HYDIN: variants seen among roughly 807,000 people sequenced by gnomAD.
HYDIN encodes axonemal central pair apparatus protein HYDIN.
Under a neutral mutation model 403.9 loss-of-function variants are expected in HYDIN, and 132 were observed. That is an observed-to-expected ratio of 0.33 (90% CI 0.28 to 0.38). The LOEUF is 0.38. Ranked by LOEUF, HYDIN falls within the 10% of genes least tolerant of loss-of-function variation. The pLI, the probability that HYDIN is intolerant of heterozygous loss-of-function variation, is 1.00. For synonymous variants in HYDIN, 1,202 were observed against 1,891.7 expected, an observed-to-expected ratio of 0.64 and a Z score of 9.46; for missense variants, 2,827 against 5,009.5, an observed-to-expected ratio of 0.56 and a Z score of 13.15.
rs137953974 is a variant in HYDIN, at chr16:71,171,934, C to T, written c.516+3673G>A. Among the ~76,000 whole-genome samples, 5 of 152,240 alleles carry T rather than the reference C, an allele frequency of 3.3e-5. No homozygotes were observed. The South Asian group carries it at 8.3e-4, about 25-fold the overall frequency. The stretch of plus-strand genomic sequence containing the variant: ...TCAGGCCCTGTGCCAGGTACTGGGG[C>T]TACAGGGGTGATCCAGATAGAACTG... On this transcript the variant is annotated intron_variant, in intron 5 of 85. Transcript: ENST00000393567.
intron 18 of HYDIN, among the ~76,000 whole-genome samples, chr16:71,032,307 G>GC (rs370950793): frequency 7.9e-6 from 1 of 126,436 alleles, no homozygotes; most frequent in Non-Finnish European, 1.7e-5. Context: ...TTTCCTTTTT[G>GC]TTTTTTTTTT....
chr16:71,053,063 C>T (rs1412897447), intron 18 of HYDIN, among the ~76,000 whole-genome samples: 1 of 151,988 alleles, frequency 6.6e-6, no homozygotes, highest in Non-Finnish European at 1.5e-5. Flanking sequence ...AGATAATTGA[C>T]AGAAGAGGAC....
At chr16:70,997,097 C>T (rs1268138042) in intron 23 of HYDIN, among the ~76,000 whole-genome samples, 1 of 151,416 alleles carries the variant, frequency 6.6e-6, no homozygotes, top group Non-Finnish European at 1.5e-5. Context: ...ACCAGGATCC[C>T]TTACATGTGC....
At chr16:71,127,991 T>C (rs1160522054) in intron 9 of HYDIN, among the ~76,000 whole-genome samples, 1 of 150,810 alleles carries the variant, frequency 6.6e-6, no homozygotes, top group Non-Finnish European at 1.5e-5. Context: ...TCCAACCTTC[T>C]TTCCCTACAT....
intron 5 of HYDIN, among the ~76,000 whole-genome samples, chr16:71,169,232 C>A (rs2086364960): frequency 6.6e-6 from 1 of 152,022 alleles, no homozygotes; most frequent in African/African-American, 2.4e-5. Flanking sequence ...TCGAGACCAG[C>A]CTGGACAACG....
intron 83 of HYDIN, among the ~76,000 whole-genome samples, chr16:70,824,639 T>C (rs2036473780): frequency 1.3e-5 from 2 of 150,904 alleles, no homozygotes; most frequent in African/African-American, 4.9e-5. Flanking sequence ...GCAATTCTCT[T>C]GCCTCAATAT....
chr16:71,223,393 C>T (rs1219415987), intron 1 of HYDIN, among the ~76,000 whole-genome samples: 2 of 152,134 alleles, frequency 1.3e-5, no homozygotes, highest in Non-Finnish European at 2.9e-5. Flanking sequence ...ATTGGAAAAA[C>T]TCTTCTTCTG....
intron 42 of HYDIN, 55 bp downstream of exon 42, chr16:70,943,757 G>A (rs774310591): frequency 6.3e-7 from 1 of 1,583,868 alleles, no homozygotes; most frequent in Non-Finnish European, 8.6e-7. Flanking sequence ...CCAGGGTGTG[G>A]GGATGGTGCG....
intron 23 of HYDIN, among the ~76,000 whole-genome samples, chr16:70,995,332 C>T (rs536996486): frequency 1.3e-5 from 2 of 152,078 alleles, no homozygotes; most frequent in Non-Finnish European, 2.9e-5. Context: ...CAAGAACAAT[C>T]GATACTGTTC....
chr16:70,959,361 T>C (rs1847594), intron 39 of HYDIN: 64,105 of 188,664 alleles, frequency 0.34, 11,742 homozygotes, highest in East Asian at 0.54. Context: ...AGTATTGAGA[T>C]AAGCATTTTA....
intron 1 of HYDIN, among the ~76,000 whole-genome samples, chr16:71,225,416 T>C (rs1412876767): frequency 6.6e-6 from 1 of 152,226 alleles, no homozygotes; most frequent in Non-Finnish European, 1.5e-5. Flanking sequence ...GTAGAACACC[T>C]GTTTTCTCTT....
chr16:70,955,729 G>A (rs2143933006), intron 39 of HYDIN, among the ~76,000 whole-genome samples, 181 bp from the exon 40 acceptor site: 1 of 152,326 alleles, frequency 6.6e-6, no homozygotes, highest in Admixed American at 6.5e-5. Flanking sequence ...AGTCAGGGCT[G>A]TGGGTCTGAT....
At chr16:70,817,588 G>C (rs2035921442) in intron 84 of HYDIN, 1 of 152,182 alleles carries the variant, frequency 6.6e-6, no homozygotes. Flanking sequence ...TCCTCTCCCT[G>C]CCAGTTCACA....
At chr16:71,225,628 AAC>A (rs2144772191) in intron 1 of HYDIN, among the ~76,000 whole-genome samples, 1 of 152,316 alleles carries the variant, frequency 6.6e-6, no homozygotes, top group Admixed American at 6.5e-5. Context: ...TGTGGGATGA[AAC>A]ACAGAGTGAA....
intron 3 of HYDIN, among the ~76,000 whole-genome samples, chr16:71,179,966 T>C (rs553966979): frequency 4.1e-4 from 62 of 152,262 alleles, no homozygotes; most frequent in Non-Finnish European, 7.2e-4. Context: ...TAAGTATCCA[T>C]CTTAATAAGT....
intron 38 of HYDIN, among the ~76,000 whole-genome samples, chr16:70,960,401 C>T (rs1299831426): frequency 7.7e-6 from 1 of 130,064 alleles, no homozygotes; most frequent in East Asian, 2.2e-4. Context: ...ACTGTATAGC[C>T]TTCAAAGCCC....
At chr16:71,179,133 G>C (rs1384135168) in intron 3 of HYDIN, 86 bp from the exon 4 acceptor site, 2 of 992,922 alleles carry the variant, frequency 2.0e-6, no homozygotes, top group Non-Finnish European at 2.9e-6. Flanking sequence ...GTAGACCTGT[G>C]GATATTAAAA....
Position 70,868,745 on chromosome 16 carries a change from G to A in HYDIN, c.11135C>T (p.Thr3712Ile), listed in dbSNP as rs776977147. The A allele has an allele frequency of 4.3e-6, 7 of 1,613,874 alleles. No homozygotes were observed. In the African/African-American group the frequency reaches 6.7e-5, roughly 15 times the overall value. The stretch of plus-strand genomic sequence containing the variant: ...GTTGATGGGTACATCTGACTTCATG[G>A]TCACCACTATGTCCTTGGCACACCC... ...HPGCAKDIVV[T>I]MKSDVPINLK... is the part of the protein sequence containing the mutation. The change falls in exon 66 of 86, where the codon ACC becomes ATC. Residue 3712 changes from threonine to isoleucine, a missense_variant. Thr to Ile is a moderately conservative substitution (Grantham distance 89). Coordinates refer to ENST00000393567, the MANE Select transcript of HYDIN (RefSeq NM_001270974.2).
chr16:70,864,071 C>T (rs2039576257), intron 67 of HYDIN, among the ~76,000 whole-genome samples: 1 of 152,036 alleles, frequency 6.6e-6, no homozygotes, highest in South Asian at 2.1e-4. Flanking sequence ...TGGCTCATGC[C>T]TGAAATCCCA....
Sources: gnomAD v4.1 joint callset for allele counts (sites outside exome capture counted in the v4.1 genomes callset) on GRCh38, gnomAD v4.1.1 for gene constraint, MANE v1.5 for transcripts, NCBI Gene and HGNC (gene_info 2026-07-23, HGNC 2026-07-21) for gene names.